HSD17B2: variants seen among roughly 807,000 people sequenced by gnomAD.
HSD17B2 encodes the protein 17-beta-hydroxysteroid dehydrogenase type 2.
Under a neutral mutation model 26.9 loss-of-function variants are expected in HSD17B2, and 32 were observed. That is an observed-to-expected ratio of 1.19 (90% CI 0.90 to 1.60). The LOEUF (loss-of-function observed/expected upper bound fraction) is 1.60. Among genes scored for constraint, HSD17B2 ranks in the 40% most tolerant of loss-of-function variants. HSD17B2 has a pLI of 0.00. For synonymous variants in HSD17B2, 246 were observed against 186.7 expected (o/e 1.32, Z -2.59); for missense variants, 613 against 468.6 (o/e 1.31, Z -2.85).
At chr16:82,083,255 C>A (rs1346025631) in intron 3 of HSD17B2, among the ~76,000 whole-genome samples, 1 of 152,134 alleles carries the variant, frequency 6.6e-6, no homozygotes, top group East Asian at 1.9e-4. Flanking sequence ...TCAACCATGT[C>A]CTTCCCTCCG....
Position 82,098,313 on chromosome 16 carries a change from G to T in HSD17B2, c.1041G>T (p.Trp347Cys). 1 of 1,614,164 alleles carries T rather than the reference G, an allele frequency of 6.2e-7. No homozygotes were observed. Among genetic ancestry groups the T allele is most frequent in the Non-Finnish European group, 8.5e-7 (1 of 1,180,014 alleles). ...YYTPGKGAYLWICLAHYLPIG... is the reference protein window; with the variant it reads ...YYTPGKGAYLCICLAHYLPIG... ...CGCCAGGGAAAGGCGCTTACTTGTG[G>T]ATCTGCCTTGCTCACTATTTGCCTA... The change falls in exon 5 of 5, where the codon TGG becomes TGT. Residue 347 changes from tryptophan (W) to cysteine (C), a missense_variant. Trp to Cys is a radical substitution (Grantham distance 215). Transcript: ENST00000199936.
chr16:82,080,257 G>A (rs1904343642), intron 3 of HSD17B2, among the ~76,000 whole-genome samples: 1 of 152,208 alleles, frequency 6.6e-6, no homozygotes, highest in African/African-American at 2.4e-5. Flanking sequence ...TCTGCAACCT[G>A]TGAGCCTGTT....
At chr16:82,059,609 T>C (rs1375747737) in intron 1 of HSD17B2, among the ~76,000 whole-genome samples, 3 of 152,154 alleles carry the variant, frequency 2.0e-5, no homozygotes, top group Non-Finnish European at 4.4e-5. Context: ...GTATTTGTCT[T>C]CTGTGGGTGG....
intron 3 of HSD17B2, among the ~76,000 whole-genome samples, chr16:82,081,584 G>A (rs1304039118): frequency 2.0e-5 from 3 of 152,174 alleles, no homozygotes; most frequent in African/African-American, 7.2e-5. Context: ...GGCAATAAGA[G>A]TGGACAAATA....
chr16:82,035,860 G>T (rs990138477), intron 1 of HSD17B2, among the ~76,000 whole-genome samples, 171 bp downstream of exon 1: 1 of 152,084 alleles, frequency 6.6e-6, no homozygotes, highest in African/African-American at 2.4e-5. Flanking sequence ...TTTCCAGGAG[G>T]TGCATTTGAA....
chr16:82,093,311 C>A (rs2966248), intron 4 of HSD17B2: 55,954 of 151,984 alleles, frequency 0.37, 10,530 homozygotes, highest in Admixed American at 0.46. Context: ...ATCCAGCCCA[C>A]TTAATAGCAT....
rs746641211 is a variant in HSD17B2 at position 82,035,689 on chromosome 16, G to C, written c.265G>C (p.Gly89Arg). The change falls in exon 1 of 5, where the codon GGT becomes CGT. Residue 89 changes from glycine (G) to arginine (R), a missense_variant and splice_region_variant. Transcript: ENST00000199936. ...PVDQKAVLVT[G>R]GDCGLGHALC... Reference sequence around the variant, plus strand: ...GGATCAGAAGGCAGTCCTGGTGACAGGTAAGCAGACGGTGCTACAATTTTC... The same window carrying C: ...GGATCAGAAGGCAGTCCTGGTGACACGTAAGCAGACGGTGCTACAATTTTC... 5 of 1,613,152 alleles carry C rather than the reference G, an allele frequency of 3.1e-6. No homozygotes were observed. Among genetic ancestry groups the C allele is most frequent in the Non-Finnish European group, 4.2e-6 (5 of 1,179,492 alleles).
chr16:82,052,230 C>T (rs1487107103), intron 1 of HSD17B2: 2 of 152,250 alleles, frequency 1.3e-5, no homozygotes, highest in Non-Finnish European at 2.9e-5. Flanking sequence ...GTGCCCCTCT[C>T]TGTTGTTCAG....
In HSD17B2 at chr16:82,090,889, A is replaced by G. The variant is rs762909802; in HGVS notation, c.665-13A>G. 3 of 1,597,394 alleles carry G rather than the reference A, an allele frequency of 1.9e-6. No homozygotes were observed. Among genetic ancestry groups the G allele is most frequent in the Admixed American group, 3.6e-5 (2 of 55,924 alleles). On this transcript the variant is annotated splice_polypyrimidine_tract_variant and intron_variant, in intron 3 of 4. Coordinates refer to ENST00000199936, the MANE Select transcript of HSD17B2 (RefSeq NM_002153.3). The stretch of plus-strand genomic sequence containing the variant: ...TTCTAACTTTGCTTCTTTTTCTCCC[A>G]TTATTCCCATAGGAGGGGCCCCAAT...
Position 82,098,345 on chromosome 16 carries a change from T to C in HSD17B2, c.1073T>C (p.Ile358Thr), listed in dbSNP as rs763446031. ...ICLAHYLPIG[I>T]YDYFAKRHFG... Reference sequence around the variant, plus strand: ...CTTGCTCACTATTTGCCTATTGGCATATATGATTACTTTGCTAAAAGACAT... The same window carrying C: ...CTTGCTCACTATTTGCCTATTGGCACATATGATTACTTTGCTAAAAGACAT... Residue 358 changes from isoleucine (I) to threonine (T), a missense_variant, in exon 5 of 5, where the codon ATA becomes ACA. By Grantham distance (89) the Ile-to-Thr change is moderately conservative. Coordinates refer to ENST00000199936, the MANE Select transcript of HSD17B2 (RefSeq NM_002153.3). 1.9e-6 allele frequency: 3 copies of C among 1,614,188 alleles called. No individual in the cohort carries two copies. Among genetic ancestry groups the C allele is most frequent in the Non-Finnish European group, 2.5e-6 (3 of 1,180,000 alleles).
chr16:82,050,029 G>A (rs1914059122), intron 1 of HSD17B2, among the ~76,000 whole-genome samples: 1 of 152,256 alleles, frequency 6.6e-6, no homozygotes, highest in African/African-American at 2.4e-5. Flanking sequence ...ATGTGCCTGG[G>A]CATTGGTGTT....
At chr16:82,044,222 AATCAGAACAG>A in intron 1 of HSD17B2, 1 of 152,220 alleles carries the variant, frequency 6.6e-6, no homozygotes, top group Non-Finnish European at 1.5e-5. Context: ...GGTGAAATTA[AATCAGAACAG>A]ATGCAGGGTT....
chr16:82,096,510 C>G (rs1476848332), intron 4 of HSD17B2: 1 of 152,146 alleles, frequency 6.6e-6, no homozygotes, highest in Non-Finnish European at 1.5e-5. Flanking sequence ...AGGCATGAGC[C>G]ACCATGCCCA....
At chr16:82,068,144 C>T in intron 1 of HSD17B2, 26 bp from the exon 2 acceptor site, 4 of 1,603,032 alleles carry the variant, frequency 2.5e-6, no homozygotes, top group Non-Finnish European at 3.4e-6. Flanking sequence ...TTTGACCTCA[C>T]TCCCTACTCC....
chr16:82,071,553 C>T, intron 3 of HSD17B2: 1 of 302,144 alleles, frequency 3.3e-6, no homozygotes, highest in South Asian at 3.2e-5. Context: ...TGCCATCAAA[C>T]AAAAGCTGCC....
intron 1 of HSD17B2, among the ~76,000 whole-genome samples, chr16:82,042,461 A>G (rs1380830185): frequency 6.6e-6 from 1 of 152,196 alleles, no homozygotes; most frequent in East Asian, 1.9e-4. Context: ...ATACCTCATG[A>G]CTAGAGAAGG....
At chr16:82,046,550 C>A (rs1476124316) in intron 1 of HSD17B2, among the ~76,000 whole-genome samples, 1 of 152,002 alleles carries the variant, frequency 6.6e-6, no homozygotes, top group African/African-American at 2.4e-5. Context: ...TGGTAAAACC[C>A]CATATCTACC....
intron 3 of HSD17B2, among the ~76,000 whole-genome samples, chr16:82,079,393 T>C (rs1363484776): frequency 6.6e-6 from 1 of 152,218 alleles, no homozygotes; most frequent in Non-Finnish European, 1.5e-5. Context: ...GACTACCTTT[T>C]TGCTGTGTCC....
At chr16:82,066,932 T>C (rs1400815644) in intron 1 of HSD17B2, among the ~76,000 whole-genome samples, 2 of 152,216 alleles carry the variant, frequency 1.3e-5, no homozygotes, top group Non-Finnish European at 2.9e-5. Context: ...TACAGTGTTG[T>C]AAAGAACATC....
Sources: allele counts gnomAD v4.1 joint callset (sites outside exome capture counted in the v4.1 genomes callset), GRCh38; gene constraint gnomAD v4.1.1; transcripts MANE v1.5; gene names NCBI Gene and HGNC (gene_info 2026-07-23, HGNC 2026-07-21).